Variants in PET117 observed in about 807,000 individuals in gnomAD.
PET117 encodes the protein PET117 cytochrome c oxidase chaperone.
Under a neutral mutation model 9.2 loss-of-function variants are expected in PET117, and 10 were observed. That is an observed-to-expected ratio of 1.09 (90% CI 0.67 to 1.85). The LOEUF is 1.85. PET117 is among the 40% of genes most tolerant of loss of function. PET117 has a pLI of 0.00. For missense variants in PET117, 96 were observed against 98.2 expected (o/e 0.98, Z 0.09); for synonymous variants, 43 against 37.1 (o/e 1.16, Z -0.57).
intron 1 of PET117, 115 bp downstream of exon 1, chr20:18,138,166 T>C (rs1448992973): frequency 1.5e-6 from 2 of 1,322,244 alleles, no homozygotes; most frequent in African/African-American, 3.1e-5. Context: ...TCCCCCGCGG[T>C]GGCGCGGCCC....
At chr20:18,140,109 A>G (rs1212336746) in intron 1 of PET117, among the ~76,000 whole-genome samples, 2 of 152,098 alleles carry the variant, frequency 1.3e-5, no homozygotes, top group East Asian at 3.9e-4. Context: ...CACACGTGAC[A>G]TCTCTGAGAA....
chr20:18,138,181 C>A, intron 1 of PET117, 130 bp downstream of exon 1: 5 of 1,289,226 alleles, frequency 3.9e-6, no homozygotes, highest in Non-Finnish European at 2.9e-6. Context: ...CGGCCCTGCA[C>A]CCCACGCGTT....
In PET117 at chr20:18,143,032, T is replaced by C; in HGVS notation, c.*675T>C. 1 of 1,455,710 alleles carries C rather than the reference T, an allele frequency of 6.9e-7. No individual in the cohort carries two copies. 90.2% of individuals were successfully genotyped at this position (1,455,710 alleles called of 1,614,324 possible). On this transcript the variant is annotated 3_prime_UTR_variant, in exon 2 of 2. Coordinates refer to ENST00000432901, the MANE Select transcript of PET117 (RefSeq NM_001164811.2). ...AGACCTAAATAAAAGGATAATTATA[T>C]TTATTCTCTAGTTGATCAGCTATAA...
At chr20:18,139,908 A>C (rs2037464594) in intron 1 of PET117, among the ~76,000 whole-genome samples, 1 of 152,206 alleles carries the variant, frequency 6.6e-6, no homozygotes, top group Admixed American at 6.5e-5. Context: ...AAAATTAAGC[A>C]GTGCTACATG....
chr20:18,138,245 C>T, intron 1 of PET117, 194 bp downstream of exon 1: 1 of 1,239,288 alleles, frequency 8.1e-7, no homozygotes, highest in Non-Finnish European at 1.0e-6. Flanking sequence ...CAGCTCCCGG[C>T]GGGCGTGTGC....
At chr20:18,142,029 AATTT>A (rs917048556) in intron 1 of PET117, among the ~76,000 whole-genome samples, 175 bp from the exon 2 acceptor site, 3 of 152,152 alleles carry the variant, frequency 2.0e-5, no homozygotes, top group African/African-American at 7.2e-5. Context: ...CACACTACCA[AATTT>A]ATTTGATCGT....
In PET117 at chr20:18,142,503, A is replaced by G; in HGVS notation, c.*146A>G. The G allele has an allele frequency of 6.9e-7, 1 of 1,457,832 alleles. No homozygotes were observed. The allele number at this position is 1,457,832 out of a possible 1,614,324, so 90.3% of individuals were successfully genotyped here. A position where few individuals can be genotyped will look rare whatever the true frequency, so the allele number is the denominator to read the frequency against. On this transcript the variant is annotated 3_prime_UTR_variant, in exon 2 of 2. Transcript: ENST00000432901. ...TAAAGGACAGTGGGTCATATAAGTT[A>G]CTGCTTTCAGGGTCCCTTATATCTG...
intron 1 of PET117, among the ~76,000 whole-genome samples, chr20:18,141,153 G>A (rs2146330482): frequency 6.6e-6 from 1 of 150,932 alleles, no homozygotes; most frequent in South Asian, 2.1e-4. Flanking sequence ...CAGGAGTGCT[G>A]GGATTACAGG....
At chr20:18,138,087 C>T (rs2037362446) in intron 1 of PET117, 36 bp downstream of exon 1, 1 of 1,437,108 alleles carries the variant, frequency 7.0e-7, no homozygotes, top group Non-Finnish European at 9.1e-7. Context: ...CGGGCCCGCG[C>T]GCGCGGCGTC....
intron 1 of PET117, 31 bp downstream of exon 1, chr20:18,138,082 C>G (rs2037361804): frequency 6.2e-6 from 9 of 1,443,608 alleles, no homozygotes; most frequent in Non-Finnish European, 7.3e-6. Flanking sequence ...TCTTCCGGGC[C>G]CGCGCGCGCG....
chr20:18,140,773 T>C (rs948235007), intron 1 of PET117, among the ~76,000 whole-genome samples: 1 of 130,118 alleles, frequency 7.7e-6, no homozygotes, highest in South Asian at 2.5e-4. Context: ...GATCGTGCCA[T>C]GGAGCCAAGA....
intron 1 of PET117, chr20:18,138,304 G>T: frequency 8.4e-7 from 1 of 1,185,252 alleles, no homozygotes; most frequent in Non-Finnish European, 1.0e-6. Context: ...CGCCTTTGGA[G>T]CTCCGCGCTG....
chr20:18,139,675 T>TGTGTGTGTGTGTGTG (rs1568660988), intron 1 of PET117, among the ~76,000 whole-genome samples: 5 of 103,736 alleles, frequency 4.8e-5, no homozygotes, highest in Admixed American at 1.1e-4. Flanking sequence ...TGTGTGTGTG[T>TGTGTGTGTGTGTGTG]TTATTTTTTT....
Position 18,142,558 on chromosome 20 carries a change from G to C in PET117, c.*201G>C. On this transcript the variant is annotated 3_prime_UTR_variant, in exon 2 of 2. Transcript: ENST00000432901. ...AAGGAGTGTGGGCAGACACTTTTTG[G>C]AAGAGTCTGTCTGGGTGATCCTGGT... is the stretch of plus-strand genomic sequence containing the variant. 1 of 1,525,778 alleles carries C rather than the reference G, an allele frequency of 6.6e-7. No individual in the cohort carries two copies. The highest frequency in any genetic ancestry group is 1.3e-5 in the South Asian group (1 of 77,004). The allele number at this position is 1,525,778 out of a possible 1,614,324, so 94.5% of individuals were successfully genotyped here.
intron 1 of PET117, among the ~76,000 whole-genome samples, chr20:18,141,024 T>A (rs1187361795): frequency 9.1e-5 from 1 of 10,938 alleles, no homozygotes. Flanking sequence ...CTCCCTGCAA[T>A]TTTTTTTTTT....
chr20:18,138,416 A>C, intron 1 of PET117: 3 of 1,014,334 alleles, frequency 3.0e-6, no homozygotes, highest in Non-Finnish European at 2.4e-6. Flanking sequence ...ACCTTTCCAC[A>C]TCTCACTTGG....
rs1274008096 is a variant in PET117, at chr20:18,143,119, GTTAAA to G, written c.*767_*771del. 4.5e-6 allele frequency: 6 copies of G among 1,324,262 alleles called. No individual in the cohort carries two copies. Among genetic ancestry groups the G allele is most frequent in the Admixed American group, 6.4e-5 (2 of 31,092 alleles). 82.0% of individuals were successfully genotyped at this position (1,324,262 alleles called of 1,614,324 possible). On this transcript the variant is annotated 3_prime_UTR_variant, in exon 2 of 2. Coordinates refer to ENST00000432901, the MANE Select transcript of PET117 (RefSeq NM_001164811.2). ...ACGTACTGTCAACCTCTATCACATT[GTTAAA>G]TTAACACTTTTGGTGGTAACTCAAT...
At chr20:18,138,875 A>T (rs2037410007) in intron 1 of PET117, among the ~76,000 whole-genome samples, 1 of 152,092 alleles carries the variant, frequency 6.6e-6, no homozygotes, top group Non-Finnish European at 1.5e-5. Flanking sequence ...AGGAAACTCC[A>T]CTCTTCCAGA....
In PET117 at chr20:18,143,086, C is replaced by G. The variant is rs1302077650; in HGVS notation, c.*729C>G. ...TATATAAAACATAGGCATGTTTGTA[C>G]TAATGAAACGTACTGTCAACCTCTA... On this transcript the variant is annotated 3_prime_UTR_variant, in exon 2 of 2. Coordinates refer to ENST00000432901, the MANE Select transcript of PET117 (RefSeq NM_001164811.2). 2.9e-5 allele frequency: 41 copies of G among 1,404,840 alleles called. No homozygotes were observed. Among genetic ancestry groups the G allele is most frequent in the Non-Finnish European group, 3.6e-5 (39 of 1,077,876 alleles). The allele number at this position is 1,404,840 out of a possible 1,614,324, so 87.0% of individuals were successfully genotyped here. A position where few individuals can be genotyped will look rare whatever the true frequency, so the allele number is the denominator to read the frequency against.
Sources: gnomAD v4.1 joint callset for allele counts (sites outside exome capture counted in the v4.1 genomes callset) on GRCh38, gnomAD v4.1.1 for gene constraint, MANE v1.5 for transcripts, NCBI Gene and HGNC (gene_info 2026-07-23, HGNC 2026-07-21) for gene names.